OTOG: variants seen among roughly 807,000 people sequenced by gnomAD.
OTOG encodes the protein otogelin.
Under a neutral mutation model 313.8 loss-of-function variants are expected in OTOG, and 296 were observed. The observed-to-expected ratio is 0.94, with a 90% CI of 0.86 to 1.04. The LOEUF is 1.04. OTOG is among the 50% of genes least tolerant of loss of function. The pLI, the probability that OTOG is intolerant of heterozygous loss-of-function variation, is 0.00. For synonymous variants in OTOG, 1,533 were observed against 1,554.9 expected (o/e 0.99, Z 0.33); for missense variants, 3,948 against 3,840.1 (o/e 1.03, Z -0.74).
Position 17,557,324 on chromosome 11 carries a change from G to A in OTOG, c.865+1G>A. The A allele has an allele frequency of 6.5e-7, 1 of 1,550,360 alleles. No homozygotes were observed. The highest frequency in any genetic ancestry group is 8.7e-7 in the Non-Finnish European group (1 of 1,146,898). On this transcript the variant is annotated splice_donor_variant, in intron 8 of 55. Coordinates refer to ENST00000399397, the MANE Select transcript of OTOG (RefSeq NM_001292063.2). LOFTEE classifies it high-confidence loss of function. ...AAGGATGATCTGGTGACCAGCTCTG[G>A]TGAGGGTCAGACAGGTGGCCTCTGA...
chr11:17,645,112 G>A (rs902899838), intron 54 of OTOG, among the ~76,000 whole-genome samples: 19 of 152,300 alleles, frequency 1.2e-4, no homozygotes, highest in South Asian at 2.1e-4. Flanking sequence ...AGAATGAAGC[G>A]TCCCACTAGA....
At chr11:17,558,933 CT>C in intron 10 of OTOG, 118 bp from the exon 11 acceptor site, 1 of 866,540 alleles carries the variant, frequency 1.2e-6, no homozygotes. Context: ...CCTGGGCAGC[CT>C]TTCCCAGCTG....
In OTOG at chr11:17,612,773, C is replaced by T; in HGVS notation, c.6438+8C>T. 1 of 1,549,344 alleles carries T rather than the reference C, an allele frequency of 6.5e-7. No homozygotes were observed. Among genetic ancestry groups the T allele is most frequent in the Non-Finnish European group, 8.7e-7 (1 of 1,146,328 alleles). On this transcript the variant is annotated splice_region_variant and intron_variant, in intron 38 of 55. Coordinates refer to ENST00000399397, the MANE Select transcript of OTOG (RefSeq NM_001292063.2). ...TGCAAAAGTGCCAACCTGGTGCCTG[C>T]CCCATACCTCCCTCCCTGCTGGGGA...
In OTOG at chr11:17,639,429, A is replaced by G. The variant is rs1400067655; in HGVS notation, c.7901A>G (p.Asp2634Gly). The part of the protein sequence containing the change: ...RCCPYKSCEC[D>G]CDTIPVPRCH... ...GGCCCCTTGTGTTTTTCAGAATGTG[A>G]CTGTGACACAATCCCGGTGCCCCGG... Residue 2634 changes from aspartate (D) to glycine (G), a missense_variant, in exon 49 of 56, where the codon GAC becomes GGC. Transcript: ENST00000399397. 1 of 1,550,648 alleles carries G rather than the reference A, an allele frequency of 6.4e-7. No homozygotes were observed. Among genetic ancestry groups the G allele is most frequent in the South Asian group, 1.2e-5 (1 of 84,054 alleles).
chr11:17,609,807 G>A lies in OTOG; in HGVS notation c.4507G>A (p.Ala1503Thr). The part of the protein sequence containing the change: ...PTHRPALTPA[A>T]PLTTALNPPV... ...CCACAGGCCAGCCCTCACCCCAGCT[G>A]CCCCACTCACCACAGCCCTGAACCC... Residue 1503 changes from alanine (A) to threonine (T), a missense_variant, in exon 36 of 56, where the codon GCC (alanine) becomes ACC (threonine). Physicochemically the swap from Ala to Thr is moderately conservative, Grantham distance 58 (BLOSUM62 0). Transcript: ENST00000399397. 1 of 1,544,706 alleles carries A rather than the reference G, an allele frequency of 6.5e-7. No homozygotes were observed. The highest frequency in any genetic ancestry group is 1.2e-5 in the South Asian group (1 of 82,914).
intron 46 of OTOG, 92 bp from the exon 47 acceptor site, chr11:17,635,518 G>A (rs1565128469): frequency 1.1e-6 from 1 of 950,328 alleles, no homozygotes. Flanking sequence ...CCACACCTGG[G>A]TTGTTGAGGA....
chr11:17,555,920 C>G, intron 7 of OTOG, 23 bp downstream of exon 7: 1 of 1,514,840 alleles, frequency 6.6e-7, no homozygotes, highest in Admixed American at 2.0e-5. Context: ...CCTTCCACAT[C>G]GAGCTGTCCT....
chr11:17,602,867 A>C (rs1022872714), intron 32 of OTOG, among the ~76,000 whole-genome samples: 20 of 152,182 alleles, frequency 1.3e-4, no homozygotes, highest in African/African-American at 4.1e-4. Flanking sequence ...TCAGAAGCCC[A>C]CAGTCCCATC....
intron 39 of OTOG, among the ~76,000 whole-genome samples, chr11:17,619,326 C>G (rs1400162904): frequency 6.6e-6 from 1 of 152,030 alleles, no homozygotes; most frequent in Non-Finnish European, 1.5e-5. Flanking sequence ...AATAGTTGAG[C>G]CTTCAGTTTT....
intron 32 of OTOG, among the ~76,000 whole-genome samples, chr11:17,603,446 T>A (rs1018990778): frequency 6.6e-6 from 1 of 152,146 alleles, no homozygotes; most frequent in South Asian, 2.1e-4. Context: ...AGAGGGGGTG[T>A]TGCCTTTCCA....
intron 30 of OTOG, 110 bp downstream of exon 30, chr11:17,597,117 C>A: frequency 7.6e-7 from 1 of 1,322,930 alleles, no homozygotes; most frequent in Non-Finnish European, 1.0e-6. Flanking sequence ...TAGAATGTAC[C>A]AAGCACCAAC....
At position 17,591,506 on chromosome 11, in the gene OTOG, C is replaced by T. The variant is rs1278432401; in HGVS notation, c.2924C>T (p.Thr975Ile). The change falls in exon 25 of 56, where the codon ACT becomes ATT. Residue 975 changes from threonine (T) to isoleucine (I), a missense_variant. Coordinates refer to ENST00000399397, the MANE Select transcript of OTOG (RefSeq NM_001292063.2). ...CTGCACCCTTGCGCCTCCACCTGCA[C>T]TGCCTATGGGGACCGGCATTACCGC... Reference protein sequence around the residue: ...CTLHPCASTCTAYGDRHYRTF... With the variant: ...CTLHPCASTCIAYGDRHYRTF... The T allele has an allele frequency of 3.2e-6, 5 of 1,550,622 alleles. No homozygotes were observed. The East Asian group carries it at 7.3e-5, about 23-fold the overall frequency.
chr11:17,605,745 C>A, intron 32 of OTOG, 112 bp from the exon 33 acceptor site: 1 of 1,218,104 alleles, frequency 8.2e-7, no homozygotes, highest in Non-Finnish European at 1.1e-6. Flanking sequence ...TGCTGGTCTG[C>A]AGGCGTGCTG....
chr11:17,596,268 G>C (rs796517184), intron 29 of OTOG, 114 bp downstream of exon 29: 2 of 784,508 alleles, frequency 2.5e-6, no homozygotes, highest in African/African-American at 3.4e-5. Flanking sequence ...CTCCAGGGAA[G>C]ATCTGCCTCT....
chr11:17,589,909 T>C (rs550959911), intron 24 of OTOG, among the ~76,000 whole-genome samples: 7 of 152,316 alleles, frequency 4.6e-5, no homozygotes, highest in African/African-American at 1.7e-4. Flanking sequence ...TCCCTCCTTC[T>C]TGATACTTTC....
chr11:17,585,361 G>C (rs1852767872), intron 23 of OTOG, among the ~76,000 whole-genome samples: 1 of 151,982 alleles, frequency 6.6e-6, no homozygotes, highest in African/African-American at 2.4e-5. Context: ...TCTCCTCTTT[G>C]TTCCAGATAT....
chr11:17,558,262 A>G lies in OTOG; in HGVS notation c.943A>G (p.Thr315Ala). Residue 315 changes from threonine to alanine, a missense_variant, in exon 9 of 56, where the codon ACT becomes GCT. Physicochemically the swap from Thr to Ala is moderately conservative, Grantham distance 58. Coordinates refer to ENST00000399397, the MANE Select transcript of OTOG (RefSeq NM_001292063.2). ...QAPNQPPGPT[T>A]SSLPRPPCLQ... ...CCCTAACCAGCCTCCAGGGCCCACA[A>G]CTTCCTCCCTGCCTCGCCCACCGTG... The G allele has an allele frequency of 1.3e-6, 2 of 1,550,496 alleles. No homozygotes were observed. The highest frequency in any genetic ancestry group is 1.2e-5 in the South Asian group (1 of 84,046).
intron 39 of OTOG, among the ~76,000 whole-genome samples, chr11:17,623,307 CCTCCAGTA>C (rs1853909426): frequency 6.6e-6 from 1 of 152,106 alleles, no homozygotes; most frequent in African/African-American, 2.4e-5. Context: ...CACCTGACAC[CCTCCAGTA>C]CACCCCAGTA....
intron 34 of OTOG, 71 bp from the exon 35 acceptor site, chr11:17,609,059 T>C (rs1041287114): frequency 6.4e-6 from 8 of 1,246,268 alleles, no homozygotes; most frequent in Middle Eastern, 1.9e-4. Context: ...AGGCCTGTGC[T>C]CAATCGAGAG....
Sources: allele counts gnomAD v4.1 joint callset (sites outside exome capture counted in the v4.1 genomes callset), GRCh38; gene constraint gnomAD v4.1.1; transcripts MANE v1.5; gene names NCBI Gene and HGNC (gene_info 2026-07-23, HGNC 2026-07-21).